The following ADGRL2 variants were observed in gnomAD, a reference collection of about 807,000 sequenced individuals.
The protein encoded by ADGRL2 is adhesion G protein-coupled receptor L2, also known as calcium-independent alpha-latrotoxin receptor 2.
Under a neutral mutation model 157.4 loss-of-function variants are expected in ADGRL2, and 44 were observed. The observed-to-expected ratio is 0.28, with a 90% CI of 0.22 to 0.36. The LOEUF (loss-of-function observed/expected upper bound fraction) is 0.36. Among genes scored for constraint, ADGRL2 ranks in the 10% least tolerant of loss-of-function variants. The pLI, the probability that ADGRL2 is intolerant of heterozygous loss-of-function variation, is 1.00. For missense variants in ADGRL2, 1,510 were observed against 1,768.9 expected (o/e 0.85, Z 2.63); for synonymous variants, 585 against 624.7 (o/e 0.94, Z 0.95).
At chr1:81,854,703 G>A (rs1296560386) in intron 2 of ADGRL2, among the ~76,000 whole-genome samples, 1 of 152,198 alleles carries the variant, frequency 6.6e-6, no homozygotes, top group African/African-American at 2.4e-5. Context: ...TCCAGAGAGA[G>A]CTGCATAGGT....
At chr1:81,430,925 A>T (rs1456589849) in intron 1 of ADGRL2, among the ~76,000 whole-genome samples, 1 of 152,206 alleles carries the variant, frequency 6.6e-6, no homozygotes, top group Non-Finnish European at 1.5e-5. Flanking sequence ...TTTGTCTTGA[A>T]AGAAAAAGAA....
chr1:81,439,842 G>T lies in ADGRL2; in HGVS notation c.-301-5194G>T, dbSNP rs115476431. Among the ~76,000 whole-genome samples the T allele has an allele frequency of 5.5e-3, 843 of 152,332 alleles. 8 individuals carry two copies. The highest frequency in any genetic ancestry group is 0.019 in the African/African-American group (809 of 41,578). ...CCTTTCTTGCTACCTGCACTCAGTG[G>T]GTCCCGAGCTATTGTCCAGTGTCCA... On this transcript the variant is annotated intron_variant, in intron 1 of 24. Coordinates refer to the ADGRL2 transcript ENST00000370721.
At chr1:81,945,158 G>A (rs1649388766) in intron 6 of ADGRL2, among the ~76,000 whole-genome samples, 1 of 152,108 alleles carries the variant, frequency 6.6e-6, no homozygotes, top group South Asian at 2.1e-4. Context: ...ATTTAAAAAT[G>A]TATACATATG....
At chr1:81,405,305 G>A (rs543248097) in intron 1 of ADGRL2, among the ~76,000 whole-genome samples, 39 of 152,236 alleles carry the variant, frequency 2.6e-4, no homozygotes, top group African/African-American at 7.5e-4. Flanking sequence ...CAATGATTCC[G>A]TATTAATTTA....
intron 2 of ADGRL2, among the ~76,000 whole-genome samples, chr1:81,485,367 C>G (rs1236803138): frequency 6.6e-6 from 1 of 151,712 alleles, no homozygotes; most frequent in Non-Finnish European, 1.5e-5. Context: ...CCATGTTGCC[C>G]CTGTTTTAAG....
At chr1:81,328,385 G>A (rs1279573485) in intron 1 of ADGRL2, among the ~76,000 whole-genome samples, 1 of 152,006 alleles carries the variant, frequency 6.6e-6, no homozygotes. Flanking sequence ...ATCGAATTGT[G>A]CTACCCACTA....
At chr1:81,984,493 C>T in intron 19 of ADGRL2, 90 bp from the exon 20 acceptor site, 9 of 1,281,922 alleles carry the variant, frequency 7.0e-6, no homozygotes, top group East Asian at 5.2e-5. Flanking sequence ...AACTTTAATT[C>T]TTTTCGGTTG....
rs1179108687 is a variant in ADGRL2, at chr1:81,968,218, A to C, written c.2523+19A>C. On this transcript the variant is annotated intron_variant, in intron 14 of 23. Coordinates refer to ENST00000686636, the MANE Select transcript of ADGRL2 (RefSeq NM_001366006.2). ...AATTGCAGTAAGTATTTGCACTTCT[A>C]ATTAGTAGCAGAGAAAAACCTCAGA... 2 of 1,599,996 alleles carry C rather than the reference A, an allele frequency of 1.3e-6. No homozygotes were observed. Among genetic ancestry groups the C allele is most frequent in the African/African-American group, 2.7e-5 (2 of 74,064 alleles).
intron 3 of ADGRL2, among the ~76,000 whole-genome samples, chr1:81,620,609 T>C (rs761247778): frequency 1.3e-5 from 2 of 152,152 alleles, no homozygotes; most frequent in African/African-American, 4.8e-5. Context: ...TCTGACTCTA[T>C]TTTTTTAGTT....
intron 2 of ADGRL2, among the ~76,000 whole-genome samples, chr1:81,533,956 G>A (rs1364989045): frequency 2.0e-5 from 3 of 152,098 alleles, no homozygotes; most frequent in South Asian, 2.1e-4. Flanking sequence ...CCTGGGCTAC[G>A]TTTAGATCAT....
chr1:81,461,876 T>G (rs540905264), intron 2 of ADGRL2, among the ~76,000 whole-genome samples: 1 of 132,500 alleles, frequency 7.5e-6, no homozygotes, highest in African/African-American at 2.7e-5. Context: ...GCAAGAATTC[T>G]TCTAAACAGA....
intron 1 of ADGRL2, among the ~76,000 whole-genome samples, chr1:81,362,312 G>A (rs1239903276): frequency 6.6e-6 from 1 of 151,826 alleles, no homozygotes; most frequent in African/African-American, 2.4e-5. Context: ...AAAACTAAGA[G>A]CTGGTTAAAT....
intron 2 of ADGRL2, among the ~76,000 whole-genome samples, chr1:81,764,462 A>G (rs901195346): frequency 1.3e-5 from 2 of 152,116 alleles, no homozygotes; most frequent in Non-Finnish European, 1.5e-5. Flanking sequence ...TTAGGAAAAA[A>G]GTCTCTAGCA....
chr1:81,616,019 C>T (rs149269522), intron 3 of ADGRL2, among the ~76,000 whole-genome samples: 16 of 152,090 alleles, frequency 1.1e-4, no homozygotes, highest in African/African-American at 2.2e-4. Context: ...TATGCCACTG[C>T]GCACTCAAGC....
At chr1:81,565,428 C>T (rs1400809002) in intron 2 of ADGRL2, among the ~76,000 whole-genome samples, 56 of 152,204 alleles carry the variant, frequency 3.7e-4, no homozygotes, top group Admixed American at 3.7e-3. Context: ...GTATTCAAAG[C>T]GCTATGAGTA....
intron 3 of ADGRL2, among the ~76,000 whole-genome samples, chr1:81,682,975 A>C (rs951551991): frequency 3.9e-5 from 6 of 152,274 alleles, no homozygotes; most frequent in Admixed American, 2.6e-4. Context: ...TCTACTAAAA[A>C]TACAAAGATT....
At chr1:81,651,986 C>T (rs561081165) in intron 3 of ADGRL2, among the ~76,000 whole-genome samples, 3 of 152,002 alleles carry the variant, frequency 2.0e-5, no homozygotes, top group Non-Finnish European at 4.4e-5. Flanking sequence ...GGATTACAGG[C>T]GTGAGGCACC....
At chr1:81,750,468 CA>C (rs2085454156) in intron 1 of ADGRL2, among the ~76,000 whole-genome samples, 1 of 152,194 alleles carries the variant, frequency 6.6e-6, no homozygotes, top group African/African-American at 2.4e-5. Context: ...CCTGTAATCC[CA>C]GCACTTTGGG....
intron 1 of ADGRL2, among the ~76,000 whole-genome samples, chr1:81,734,169 G>A (rs550940755): frequency 6.0e-5 from 9 of 150,478 alleles, no homozygotes; most frequent in African/African-American, 1.7e-4. Context: ...CCAGCTACTC[G>A]GAAGGCTGAG....
Sources: allele counts gnomAD v4.1 joint callset (sites outside exome capture counted in the v4.1 genomes callset), GRCh38; gene constraint gnomAD v4.1.1; transcripts MANE v1.5; gene names NCBI Gene and HGNC (gene_info 2026-07-23, HGNC 2026-07-21).